The following USH2A variants were observed in gnomAD, a reference collection of about 807,000 sequenced individuals.
USH2A encodes Usher syndrome 2A (autosomal recessive, mild).
USH2A carries 443 observed loss-of-function variants against 538.9 expected under a neutral mutation model. The ratio of observed to expected loss-of-function variants is 0.82; its 90% CI spans 0.76 to 0.89. The LOEUF (loss-of-function observed/expected upper bound fraction) is 0.89. USH2A is among the 40% of genes least tolerant of loss of function. The probability of loss-of-function intolerance (pLI) is 0.00; values close to 1 mark genes in which losing one functional copy is unlikely to be tolerated. For missense variants in USH2A, 6,633 were observed against 6,324.8 expected, an observed-to-expected ratio of 1.05 and a Z score of -1.65; for synonymous variants, 2,413 against 2,273.5, an observed-to-expected ratio of 1.06 and a Z score of -1.75.
At chr1:216,279,545 T>A (rs2036733146) in intron 11 of USH2A, among the ~76,000 whole-genome samples, 1 of 152,122 alleles carries the variant, frequency 6.6e-6, no homozygotes, top group South Asian at 2.1e-4. Context: ...AATTGTATCA[T>A]CTGGGAACTT....
intron 20 of USH2A, among the ~76,000 whole-genome samples, chr1:216,181,453 T>C (rs892923394): frequency 6.6e-6 from 1 of 152,108 alleles, no homozygotes; most frequent in Non-Finnish European, 1.5e-5. Context: ...TAGCATGGCA[T>C]ACAAATATGA....
intron 38 of USH2A, among the ~76,000 whole-genome samples, chr1:215,931,036 T>G (rs1666350939): frequency 6.6e-6 from 1 of 151,870 alleles, no homozygotes; most frequent in African/African-American, 2.4e-5. Context: ...ACAAAAAACT[T>G]GAGTGTGCAG....
chr1:215,792,627 T>A (rs1324397171), intron 50 of USH2A, among the ~76,000 whole-genome samples: 2 of 152,150 alleles, frequency 1.3e-5, no homozygotes, highest in Non-Finnish European at 2.9e-5. Flanking sequence ...ACTAACTCAC[T>A]TAGGGAGAGC....
Position 215,817,010 on chromosome 1 carries a change from GA to G in USH2A, c.9556del (p.Ser3186LeufsTer31), listed in dbSNP as rs758788078. On this transcript the variant is annotated frameshift_variant, in exon 48 of 72. Coordinates refer to ENST00000307340, the MANE Select transcript of USH2A (RefSeq NM_206933.4). LOFTEE classifies it high-confidence loss of function. ...PESICGHICY[S>X]SEAKVCCNGV... ...GAAAAGACTTACCTTAGCTTCAGAA[GA>G]ATAGCAAATGTGTCCACAGATAGAT... is the stretch of plus-strand genomic sequence containing the variant. 8.7e-6 allele frequency: 14 copies of G among 1,612,284 alleles called. No homozygotes were observed. The highest frequency in any genetic ancestry group is 1.7e-6 in the Non-Finnish European group (2 of 1,178,792).
chr1:216,166,475 C>A (rs577023533), intron 21 of USH2A, among the ~76,000 whole-genome samples: 7 of 152,002 alleles, frequency 4.6e-5, no homozygotes, highest in African/African-American at 1.7e-4. Flanking sequence ...CAAGAGAATG[C>A]CAATAAAAAT....
intron 58 of USH2A, among the ~76,000 whole-genome samples, chr1:215,754,250 G>A (rs147470446): frequency 5.3e-5 from 8 of 152,222 alleles, no homozygotes; most frequent in African/African-American, 4.8e-5. Flanking sequence ...TAATATGAAC[G>A]TATGTACACG....
intron 54 of USH2A, among the ~76,000 whole-genome samples, chr1:215,781,514 T>C (rs1661635244): frequency 6.6e-6 from 1 of 152,176 alleles, no homozygotes; most frequent in African/African-American, 2.4e-5. Context: ...TTATCCCCCA[T>C]GTCTGTTGTA....
chr1:215,759,187 AT>A (rs1378406104), intron 57 of USH2A, among the ~76,000 whole-genome samples: 2 of 152,154 alleles, frequency 1.3e-5, no homozygotes, highest in African/African-American at 2.4e-5. Context: ...GATTTAAGAT[AT>A]GTTTTTGTCT....
At chr1:216,067,472 A>G (rs2031416521) in intron 30 of USH2A, among the ~76,000 whole-genome samples, 1 of 150,950 alleles carries the variant, frequency 6.6e-6, no homozygotes, top group Non-Finnish European at 1.5e-5. Context: ...GATGCTCTGT[A>G]GAATACACTC....
At chr1:215,635,805 C>T (rs550085767) in intron 69 of USH2A, among the ~76,000 whole-genome samples, 104 of 152,268 alleles carry the variant, frequency 6.8e-4, no homozygotes, top group African/African-American at 1.3e-3. Context: ...CCGCCTGCCT[C>T]GGCCTTCCAA....
At chr1:215,802,173 G>T (rs1006811845) in intron 49 of USH2A, among the ~76,000 whole-genome samples, 1 of 151,870 alleles carries the variant, frequency 6.6e-6, no homozygotes, top group Non-Finnish European at 1.5e-5. Context: ...ATTCTTAGAC[G>T]AAAGCAAAGG....
chr1:216,134,446 G>C (rs1468285738), intron 21 of USH2A, among the ~76,000 whole-genome samples: 1 of 152,014 alleles, frequency 6.6e-6, no homozygotes, highest in Non-Finnish European at 1.5e-5. Flanking sequence ...CAGAATAAGG[G>C]ATGTCATCTT....
At position 216,422,494 on chromosome 1, in the gene USH2A, C is replaced by A. The variant is rs960159474; in HGVS notation, c.-158G>T. 5.8e-6 allele frequency: 6 copies of A among 1,039,360 alleles called. No individual in the cohort carries two copies. The highest frequency in any genetic ancestry group is 8.3e-6 in the Non-Finnish European group (6 of 718,694). 64.4% of individuals were successfully genotyped at this position (1,039,360 alleles called of 1,614,324 possible). A position where few individuals can be genotyped will look rare whatever the true frequency, so the allele number is the denominator to read the frequency against. Reference sequence around the variant, plus strand: ...GACACGTTCTCAGAGTAAGGTAATACCAACGACGTTCTTAGCAATGGCGAA... The same window carrying A: ...GACACGTTCTCAGAGTAAGGTAATAACAACGACGTTCTTAGCAATGGCGAA... On this transcript the variant is annotated 5_prime_UTR_variant, in exon 2 of 72. Transcript: ENST00000307340.
intron 47 of USH2A, among the ~76,000 whole-genome samples, chr1:215,828,077 G>A (rs1017561879): frequency 8.6e-5 from 13 of 151,882 alleles, no homozygotes; most frequent in Non-Finnish European, 1.6e-4. Flanking sequence ...AATTTGGTGA[G>A]GAAAAAAGGA....
At chr1:216,027,895 T>A (rs1277545028) in intron 32 of USH2A, among the ~76,000 whole-genome samples, 1 of 152,206 alleles carries the variant, frequency 6.6e-6, no homozygotes, top group African/African-American at 2.4e-5. Flanking sequence ...CCATCATTCT[T>A]TTACTTTAAA....
intron 64 of USH2A, among the ~76,000 whole-genome samples, chr1:215,664,408 T>C: frequency 6.6e-6 from 1 of 152,208 alleles, no homozygotes; most frequent in East Asian, 1.9e-4. Flanking sequence ...CTGAAGCTGA[T>C]TTCATACATT....
At chr1:215,880,713 G>A (rs1182210603) in intron 41 of USH2A, among the ~76,000 whole-genome samples, 1 of 150,076 alleles carries the variant, frequency 6.7e-6, no homozygotes, top group African/African-American at 2.5e-5. Flanking sequence ...AGCTATCACA[G>A]CTAAATTCAA....
intron 52 of USH2A, among the ~76,000 whole-genome samples, chr1:215,784,100 A>G (rs7521979): frequency 0.35 from 53,309 of 151,852 alleles, 9,557 homozygotes; most frequent in African/African-American, 0.41. Context: ...CTGTGATGGC[A>G]ACCATGAGTC....
chr1:216,022,360 C>A (rs937280278), intron 32 of USH2A, among the ~76,000 whole-genome samples: 1 of 152,062 alleles, frequency 6.6e-6, no homozygotes, highest in Non-Finnish European at 1.5e-5. Flanking sequence ...GCTGTTAACT[C>A]AGATATCTCT....
Sources: gnomAD v4.1 joint callset for allele counts (sites outside exome capture counted in the v4.1 genomes callset) on GRCh38, gnomAD v4.1.1 for gene constraint, MANE v1.5 for transcripts, NCBI Gene and HGNC (gene_info 2026-07-23, HGNC 2026-07-21) for gene names.